Variants in SOX5 observed in about 807,000 individuals in gnomAD.
The protein encoded by SOX5 is SRY-box transcription factor 5.
In SOX5, 9 loss-of-function variants were observed where a neutral mutation model predicts 92.0. The ratio of observed to expected loss-of-function variants is 0.10; its 90% confidence interval spans 0.06 to 0.17. The LOEUF is 0.17. Among genes scored for constraint, SOX5 ranks in the 10% least tolerant of loss-of-function variants. SOX5 has a pLI of 1.00. For missense variants in SOX5, 642 were observed against 944.5 expected (o/e 0.68, Z 4.20); for synonymous variants, 344 against 336.3 (o/e 1.02, Z -0.25).
chr12:24,279,844 G>A (rs921408476), intron 2 of SOX5, among the ~76,000 whole-genome samples: 1 of 152,128 alleles, frequency 6.6e-6, no homozygotes, highest in African/African-American at 2.4e-5. Context: ...GCTGAAATTT[G>A]TTTTCTGACC....
At chr12:24,008,343 TA>T (rs1569477484) in intron 4 of SOX5, among the ~76,000 whole-genome samples, 1 of 152,122 alleles carries the variant, frequency 6.6e-6, no homozygotes, top group Non-Finnish European at 1.5e-5. Context: ...CAGAACCGAC[TA>T]TTATGATTGT....
At chr12:24,480,762 C>G (rs1945899044) in intron 1 of SOX5, among the ~76,000 whole-genome samples, 2 of 151,466 alleles carry the variant, frequency 1.3e-5, no homozygotes, top group Non-Finnish European at 2.9e-5. Context: ...ATAACAAGTG[C>G]TAGCAAGGAT....
At chr12:24,287,023 A>T (rs1024990070) in intron 2 of SOX5, among the ~76,000 whole-genome samples, 1 of 152,190 alleles carries the variant, frequency 6.6e-6, no homozygotes, top group African/African-American at 2.4e-5. Context: ...TAAACTAGAT[A>T]TTGGGTCATG....
intron 3 of SOX5, among the ~76,000 whole-genome samples, chr12:23,831,422 G>T (rs976609019): frequency 1.3e-5 from 2 of 152,032 alleles, no homozygotes; most frequent in Non-Finnish European, 2.9e-5. Context: ...TTGACTCCAA[G>T]AATTTGTATT....
intron 2 of SOX5, among the ~76,000 whole-genome samples, chr12:23,894,749 T>C (rs948640051): frequency 6.6e-6 from 1 of 152,082 alleles, no homozygotes; most frequent in African/African-American, 2.4e-5. Context: ...CAGCTCTAAG[T>C]ATATTTATGA....
At chr12:23,694,720 G>T (rs2089500387) in intron 6 of SOX5, among the ~76,000 whole-genome samples, 1 of 152,052 alleles carries the variant, frequency 6.6e-6, no homozygotes, top group Admixed American at 6.5e-5. Context: ...CAACAACAAT[G>T]AATAAGCTTT....
At chr12:23,553,630 C>T (rs1944619372) in intron 11 of SOX5, among the ~76,000 whole-genome samples, 1 of 151,938 alleles carries the variant, frequency 6.6e-6, no homozygotes, top group South Asian at 2.1e-4. Context: ...TGTGTTTCTT[C>T]CAAACCGTGG....
chr12:23,597,108 C>G (rs1181587160), intron 9 of SOX5, among the ~76,000 whole-genome samples: 1 of 152,162 alleles, frequency 6.6e-6, no homozygotes, highest in Non-Finnish European at 1.5e-5. Context: ...GCTCCACATC[C>G]TCTTCTTTCC....
At chr12:23,936,543 T>C (rs1942597698) in intron 1 of SOX5, among the ~76,000 whole-genome samples, 1 of 150,712 alleles carries the variant, frequency 6.6e-6, no homozygotes, top group East Asian at 2.0e-4. Flanking sequence ...AGACAGTTAA[T>C]AAACCCCTAA....
At chr12:23,849,917 A>C (rs557141185) in intron 2 of SOX5, among the ~76,000 whole-genome samples, 2 of 152,300 alleles carry the variant, frequency 1.3e-5, no homozygotes, top group South Asian at 4.1e-4. Context: ...CATCTCCAGC[A>C]TCCTTTCCAG....
At position 23,531,097 on chromosome 12, in the gene SOX5, T is replaced by G. The variant is rs975878597; in HGVS notation, c.*3122A>C. 7 of 152,148 alleles carry G rather than the reference T, an allele frequency of 4.6e-5. No individual in the cohort carries two copies. Among genetic ancestry groups the G allele is most frequent in the African/African-American group, 1.7e-4 (7 of 41,436 alleles). 9.4% of individuals were successfully genotyped at this position (152,148 alleles called of 1,614,324 possible). The stretch of plus-strand genomic sequence containing the variant: ...TCATAGCACCTTTTATCAAGTGACT[T>G]CAAAGCACTTTCAACATTAATATAA... On this transcript the variant is annotated 3_prime_UTR_variant, in exon 15 of 15. Transcript: ENST00000451604.
intron 1 of SOX5, among the ~76,000 whole-genome samples, chr12:24,386,800 T>TA (rs1004987631): frequency 7.2e-4 from 109 of 152,312 alleles, no homozygotes; most frequent in Admixed American, 3.7e-3. Context: ...TGAAACAATG[T>TA]AAAAAATATT....
At chr12:24,327,012 A>T (rs1192552737) in intron 2 of SOX5, among the ~76,000 whole-genome samples, 1 of 152,210 alleles carries the variant, frequency 6.6e-6, no homozygotes, top group Non-Finnish European at 1.5e-5. Context: ...CAGACACAGT[A>T]GGTGCTCAAT....
intron 1 of SOX5, among the ~76,000 whole-genome samples, chr12:24,371,714 G>A (rs538552815): frequency 4.1e-4 from 63 of 152,266 alleles, no homozygotes; most frequent in East Asian, 1.4e-3. Context: ...TGTGCCAGGC[G>A]TGGTGGCTCA....
At chr12:23,702,393 C>T (rs1388212132) in intron 6 of SOX5, among the ~76,000 whole-genome samples, 1 of 151,982 alleles carries the variant, frequency 6.6e-6, no homozygotes, top group Admixed American at 6.6e-5. Context: ...GATTCATACT[C>T]ATCAAAGTTG....
At chr12:23,820,445 AT>A (rs1485144213) in intron 3 of SOX5, among the ~76,000 whole-genome samples, 1 of 152,092 alleles carries the variant, frequency 6.6e-6, no homozygotes, top group African/African-American at 2.4e-5. Flanking sequence ...CCATTTGTCA[AT>A]TTTGGCTTGT....
chr12:24,036,246 G>A (rs1039196408), intron 4 of SOX5, among the ~76,000 whole-genome samples: 16 of 152,026 alleles, frequency 1.1e-4, no homozygotes, highest in South Asian at 4.2e-4. Context: ...TAGCAATAAC[G>A]ACAGTTAATG....
chr12:24,498,665 A>G (rs887593340), intron 1 of SOX5, among the ~76,000 whole-genome samples: 22 of 152,190 alleles, frequency 1.4e-4, no homozygotes, highest in African/African-American at 5.1e-4. Context: ...TTTATAATCC[A>G]CTACTCTAAA....
chr12:24,511,974 T>G (rs1383853797), intron 1 of SOX5, among the ~76,000 whole-genome samples: 5 of 136,514 alleles, frequency 3.7e-5, no homozygotes, highest in Non-Finnish European at 7.9e-5. Flanking sequence ...AAAAAAAAAG[T>G]TTTTGCAATA....
Sources: gnomAD v4.1 joint callset for allele counts (sites outside exome capture counted in the v4.1 genomes callset) on GRCh38, gnomAD v4.1.1 for gene constraint, MANE v1.5 for transcripts, NCBI Gene and HGNC (gene_info 2026-07-23, HGNC 2026-07-21) for gene names.